The following MCTP2 variants were observed in gnomAD, a reference collection of about 807,000 sequenced individuals.
MCTP2 encodes the protein multiple C2 and transmembrane domain-containing protein 2.
MCTP2 carries 132 observed loss-of-function variants against 111.6 expected under a neutral mutation model. The observed-to-expected ratio is 1.18, with a 90% CI of 1.03 to 1.37. The LOEUF (loss-of-function observed/expected upper bound fraction) is 1.37, where lower values mean the gene tolerates loss of function less well. MCTP2 is among the 40% of genes most tolerant of loss of function. MCTP2 has a pLI of 0.00. For missense variants in MCTP2, 1,183 were observed against 1,067.9 expected (o/e 1.11, Z -1.50); for synonymous variants, 395 against 387.7 (o/e 1.02, Z -0.22).
chr15:94,297,521 G>C (rs1017395281), intron 1 of MCTP2, among the ~76,000 whole-genome samples: 2 of 152,100 alleles, frequency 1.3e-5, no homozygotes, highest in Admixed American at 6.6e-5. Flanking sequence ...AAAGATACTA[G>C]ATGGAATCCT....
At chr15:94,438,823 C>T (rs1021086027) in intron 17 of MCTP2, among the ~76,000 whole-genome samples, 47 of 152,082 alleles carry the variant, frequency 3.1e-4, no homozygotes, top group African/African-American at 1.1e-3. Flanking sequence ...TGTGTGTGTT[C>T]TTAATGTGGT....
chr15:94,311,122 T>C (rs917812843), intron 2 of MCTP2, among the ~76,000 whole-genome samples: 21 of 151,810 alleles, frequency 1.4e-4, no homozygotes, highest in African/African-American at 5.1e-4. Flanking sequence ...CAACCTGGGT[T>C]CAGGTGACTC....
chr15:94,291,834 G>A (rs1016670382), intron 1 of MCTP2, among the ~76,000 whole-genome samples: 7 of 152,096 alleles, frequency 4.6e-5, no homozygotes, highest in Non-Finnish European at 7.3e-5. Flanking sequence ...CTCTATGTTT[G>A]GACAGTAAAT....
intron 20 of MCTP2, among the ~76,000 whole-genome samples, chr15:94,458,974 A>G (rs1228734790): frequency 6.6e-6 from 1 of 152,226 alleles, no homozygotes; most frequent in Non-Finnish European, 1.5e-5. Flanking sequence ...ATCTTAGGAC[A>G]TGATAGCTAA....
intron 20 of MCTP2, among the ~76,000 whole-genome samples, chr15:94,466,234 T>A (rs2073283255): frequency 6.6e-6 from 1 of 152,172 alleles, no homozygotes; most frequent in African/African-American, 2.4e-5. Flanking sequence ...TTCTTTCAGA[T>A]TTTGCTGGCT....
chr15:94,245,647 C>G (rs1005944318), intron 1 of MCTP2, among the ~76,000 whole-genome samples: 1 of 142,396 alleles, frequency 7.0e-6, no homozygotes, highest in Admixed American at 7.1e-5. Flanking sequence ...TATACATATA[C>G]ATATGTATAT....
rs1182815143 is a variant in MCTP2, at chr15:94,483,729, A to C, written c.*4695A>C. The C allele has an allele frequency of 6.6e-6, 1 of 152,178 alleles. No individual in the cohort carries two copies. The highest frequency in any genetic ancestry group is 1.5e-5 in the Non-Finnish European group (1 of 68,020). The allele number at this position is 152,178 out of a possible 1,614,324, so 9.4% of individuals were successfully genotyped here. ...GAGGGTGAAGGGTGAAAGGAGGAAGAGGATCAGGAAAAATAATGAGTACCA... is the reference window on the plus strand; with the variant it reads ...GAGGGTGAAGGGTGAAAGGAGGAAGCGGATCAGGAAAAATAATGAGTACCA... On this transcript the variant is annotated 3_prime_UTR_variant, in exon 23 of 23. Transcript: ENST00000357742.
chr15:94,244,122 A>G lies in MCTP2; in HGVS notation c.-66+12458A>G, dbSNP rs537841900. 6.8e-5 allele frequency among the ~76,000 whole-genome samples: 10 copies of G among 147,936 alleles called. No homozygotes were observed. The South Asian group carries it at 2.1e-3, about 31-fold the overall frequency. ...CATACATATGTGTATATGTTTATAT[A>G]CACATGTATACACATGCATATGTGT... On this transcript the variant is annotated intron_variant, in intron 1 of 22. Coordinates refer to ENST00000357742, the MANE Select transcript of MCTP2 (RefSeq NM_001385001.1).
Position 94,240,581 on chromosome 15 carries a change from T to G in MCTP2, c.-66+8917T>G, listed in dbSNP as rs2070875651. Among the ~76,000 whole-genome samples, 2 of 152,166 alleles carry G rather than the reference T, an allele frequency of 1.3e-5. 1 individual carries two copies. Among genetic ancestry groups the G allele is most frequent in the South Asian group, 4.1e-4 (2 of 4,830 alleles). ...AAATCCTTCATGACAGGGGAGGCCT[T>G]AAAACCACATCCATGTAGACCTGGA... On this transcript the variant is annotated intron_variant, in intron 1 of 22. Transcript: ENST00000357742.
intron 1 of MCTP2, among the ~76,000 whole-genome samples, chr15:94,280,621 T>C (rs2074432666): frequency 6.6e-6 from 1 of 152,106 alleles, no homozygotes; most frequent in African/African-American, 2.4e-5. Flanking sequence ...ACTTTTGTTA[T>C]TTTTCTTCTG....
At chr15:94,244,288 A>G (rs749926232) in intron 1 of MCTP2, among the ~76,000 whole-genome samples, 65 of 148,680 alleles carry the variant, frequency 4.4e-4, no homozygotes, top group Non-Finnish European at 7.0e-4. Context: ...ATATACACAT[A>G]CATATGTGTA....
At chr15:94,441,591 T>G (rs1035414778) in intron 18 of MCTP2, among the ~76,000 whole-genome samples, 3 of 152,186 alleles carry the variant, frequency 2.0e-5, no homozygotes, top group Non-Finnish European at 4.4e-5. Flanking sequence ...TAAGTGTGTA[T>G]GTATGTATAA....
rs570850906 is a variant in MCTP2 at position 94,237,976 on chromosome 15, G to A, written c.-66+6312G>A. Among the ~76,000 whole-genome samples, 27 of 151,908 alleles carry A rather than the reference G, an allele frequency of 1.8e-4. 1 individual carries two copies. In the East Asian group the frequency reaches 3.7e-3, roughly 21 times the overall value. ...GCCTGGAAGCCACCCCCCGCCCCGC[G>A]CACTTTGAGTTGTCACGCCTTTTTG... On this transcript the variant is annotated intron_variant, in intron 1 of 22. Coordinates refer to ENST00000357742, the MANE Select transcript of MCTP2 (RefSeq NM_001385001.1).
chr15:94,465,210 GT>G (rs894413902), intron 20 of MCTP2, among the ~76,000 whole-genome samples: 2 of 152,046 alleles, frequency 1.3e-5, no homozygotes, highest in African/African-American at 2.4e-5. Flanking sequence ...TGCTAACACA[GT>G]TTTTTCCTAA....
In MCTP2 at chr15:94,379,768, G is replaced by T. The variant is rs149066257; in HGVS notation, c.1583-4254G>T. On this transcript the variant is annotated intron_variant, in intron 12 of 22. Coordinates refer to ENST00000357742, the MANE Select transcript of MCTP2 (RefSeq NM_001385001.1). ...ATGATATATAATATATATAATATATGATATGTAATATATAATTATATATGA... is the reference window on the plus strand; with the variant it reads ...ATGATATATAATATATATAATATATTATATGTAATATATAATTATATATGA... Among the ~76,000 whole-genome samples, 27 of 144,482 alleles carry T rather than the reference G, an allele frequency of 1.9e-4. No individual in the cohort carries two copies. The East Asian group carries it at 5.0e-3, about 27-fold the overall frequency. 94.8% of individuals were successfully genotyped at this position (144,482 alleles called of 152,430 possible). A position where few individuals can be genotyped will look rare whatever the true frequency, so the allele number is the denominator to read the frequency against.
At chr15:94,424,502 A>G (rs1364480587) in intron 17 of MCTP2, among the ~76,000 whole-genome samples, 1 of 152,106 alleles carries the variant, frequency 6.6e-6, no homozygotes, top group East Asian at 1.9e-4. Flanking sequence ...AACTCTGGGG[A>G]TGGGACTTAG....
At chr15:94,361,616 A>G (rs1170218051) in intron 10 of MCTP2, among the ~76,000 whole-genome samples, 1 of 152,198 alleles carries the variant, frequency 6.6e-6, no homozygotes, top group Non-Finnish European at 1.5e-5. Context: ...CTGCACGTAA[A>G]CTGTAGGTCC....
intron 1 of MCTP2, among the ~76,000 whole-genome samples, chr15:94,287,226 G>T (rs181388901): frequency 5.4e-4 from 62 of 113,918 alleles, no homozygotes; most frequent in African/African-American, 1.9e-3. Context: ...CGTACATTAC[G>T]TACTTTAAGA....
chr15:94,323,643 A>G (rs904596329), intron 4 of MCTP2, among the ~76,000 whole-genome samples: 4 of 152,162 alleles, frequency 2.6e-5, no homozygotes, highest in African/African-American at 7.2e-5. Context: ...GTTATTATTT[A>G]TTGTTGGATG....
Sources: allele counts gnomAD v4.1 joint callset (sites outside exome capture counted in the v4.1 genomes callset), GRCh38; gene constraint gnomAD v4.1.1; transcripts MANE v1.5; gene names NCBI Gene and HGNC (gene_info 2026-07-23, HGNC 2026-07-21).